Variants in TIAM2 observed in about 807,000 individuals in gnomAD.
The protein encoded by TIAM2 is rho guanine nucleotide exchange factor TIAM2.
Under a neutral mutation model 152.9 loss-of-function variants are expected in TIAM2, and 80 were observed. The observed-to-expected ratio is 0.52, with a 90% CI of 0.44 to 0.63. The LOEUF (loss-of-function observed/expected upper bound fraction) is 0.63. TIAM2 is among the 30% of genes least tolerant of loss of function. TIAM2 has a pLI of 0.00. For missense variants in TIAM2, 1,965 were observed against 2,120.1 expected, an observed-to-expected ratio of 0.93 and a Z score of 1.44; for synonymous variants, 804 against 838.0, an observed-to-expected ratio of 0.96 and a Z score of 0.70.
intron 9 of TIAM2, among the ~76,000 whole-genome samples, chr6:155,175,839 G>T (rs753735006): frequency 6.6e-6 from 1 of 152,186 alleles, no homozygotes; most frequent in Non-Finnish European, 1.5e-5. Flanking sequence ...ACTTTTTTGG[G>T]AAAGGCTTCC....
At chr6:155,146,250 G>A (rs1779815923) in intron 6 of TIAM2, among the ~76,000 whole-genome samples, 1 of 152,100 alleles carries the variant, frequency 6.6e-6, no homozygotes, top group Admixed American at 6.5e-5. Flanking sequence ...GCATGGTGGT[G>A]CGCACCTGTG....
intron 10 of TIAM2, 90 bp downstream of exon 10, chr6:155,177,067 AG>A: frequency 1.5e-6 from 2 of 1,341,222 alleles, no homozygotes; most frequent in East Asian, 2.4e-5. Flanking sequence ...GTGATATTCA[AG>A]GGCCCAGTTT....
At chr6:155,082,147 C>T (rs976391814) in intron 1 of TIAM2, among the ~76,000 whole-genome samples, 3 of 152,090 alleles carry the variant, frequency 2.0e-5, no homozygotes, top group African/African-American at 7.2e-5. Flanking sequence ...AATTCGAGAC[C>T]AGCCTGGGTG....
chr6:155,163,977 T>TTTTTA (rs1780341415), intron 7 of TIAM2, among the ~76,000 whole-genome samples: 6 of 151,386 alleles, frequency 4.0e-5, no homozygotes, highest in African/African-American at 4.9e-5. Flanking sequence ...TTTTTTTTTT[T>TTTTTA]GAGACGGAGT....
chr6:155,237,573 G>T (rs932257137), intron 15 of TIAM2, among the ~76,000 whole-genome samples: 8 of 152,248 alleles, frequency 5.3e-5, no homozygotes, highest in South Asian at 2.1e-4. Context: ...GCAAACTTCT[G>T]CCTGGACATC....
rs1583229044 is a variant in TIAM2, at chr6:155,172,674, A to T, written c.2362-4142A>T. ...TATATATATATATATATATATATAT[A>T]TATATATATATATTTTTTTTTTTTT... On this transcript the variant is annotated intron_variant, in intron 9 of 26. Transcript: ENST00000682666. 2.3e-4 allele frequency among the ~76,000 whole-genome samples: 3 copies of T among 13,264 alleles called. 1 individual carries two copies. The highest frequency in any genetic ancestry group is 2.5e-4 in the Non-Finnish European group (2 of 8,020). The allele number at this position is 13,264 out of a possible 152,430, so 8.7% of individuals were successfully genotyped here. A position where few individuals can be genotyped will look rare whatever the true frequency, so the allele number is the denominator to read the frequency against.
intron 9 of TIAM2, chr6:155,168,972 A>G (rs1780509255): frequency 7.1e-7 from 1 of 1,408,152 alleles, no homozygotes; most frequent in Non-Finnish European, 9.5e-7. Flanking sequence ...CACAAATGCT[A>G]ACTTTTTCTG....
At chr6:155,182,647 T>G (rs779098320) in intron 13 of TIAM2, among the ~76,000 whole-genome samples, 8 of 151,850 alleles carry the variant, frequency 5.3e-5, no homozygotes, top group African/African-American at 1.7e-4. Context: ...TGCCTATATA[T>G]AGAGAGAGCA....
chr6:155,119,984 AC>A (rs1243942590), intron 2 of TIAM2, among the ~76,000 whole-genome samples: 1 of 152,160 alleles, frequency 6.6e-6, no homozygotes, highest in African/African-American at 2.4e-5. Flanking sequence ...GGATTTCATA[AC>A]CCAACAATGG....
chr6:155,140,771 T>G (rs1779681737), intron 5 of TIAM2, among the ~76,000 whole-genome samples: 1 of 151,984 alleles, frequency 6.6e-6, no homozygotes, highest in Non-Finnish European at 1.5e-5. Flanking sequence ...GACATTGAAT[T>G]TATTCTGGGT....
chr6:155,065,945 C>A (rs553924620), intron 1 of TIAM2, among the ~76,000 whole-genome samples: 1 of 152,204 alleles, frequency 6.6e-6, no homozygotes, highest in Non-Finnish European at 1.5e-5. Context: ...GTATGCTGAT[C>A]CAGTATTAGT....
intron 24 of TIAM2, 92 bp from the exon 25 acceptor site, chr6:155,253,881 C>A: frequency 1.1e-6 from 1 of 928,844 alleles, no homozygotes; most frequent in Non-Finnish European, 1.6e-6. Context: ...ATTAGACTTT[C>A]TTAACTGATG....
intron 15 of TIAM2, among the ~76,000 whole-genome samples, chr6:155,223,531 T>TC (rs1216664402): frequency 6.0e-5 from 9 of 150,770 alleles, no homozygotes; most frequent in East Asian, 1.9e-4. Flanking sequence ...TTTTTTCTTT[T>TC]TTTTTTTTTT....
In TIAM2 at chr6:155,186,213, G is replaced by A. The variant is rs1467331505; in HGVS notation, c.3064+2713G>A. Among the ~76,000 whole-genome samples, 1 of 152,186 alleles carries A rather than the reference G, an allele frequency of 6.6e-6. No individual in the cohort carries two copies. The highest frequency in any genetic ancestry group is 2.4e-5 in the African/African-American group (1 of 41,456). On this transcript the variant is annotated intron_variant, in intron 14 of 26. Coordinates refer to ENST00000682666, the MANE Select transcript of TIAM2 (RefSeq NM_012454.4). The surrounding 1 kb of genome is among the most constrained non-coding windows in gnomAD (Gnocchi z 4.5). ...GCATACAGGTTTTGAGTCAGACGTG[G>A]GTTCAGGTCCTGGGCTGCCCTATAC...
chr6:155,135,617 C>T lies in TIAM2; in HGVS notation c.1195-1560C>T, dbSNP rs143535361. ...TTTCTTCAGTGACTAGACTTCTAAT[C>T]CAGATATTAGAGAAATGTCTTTATG... On this transcript the variant is annotated intron_variant, in intron 4 of 26. Transcript: ENST00000682666. Among the ~76,000 whole-genome samples the T allele has an allele frequency of 6.3e-3, 966 of 152,284 alleles. 12 individuals carry two copies. The highest frequency in any genetic ancestry group is 0.022 in the African/African-American group (910 of 41,550).
intron 16 of TIAM2, 31 bp downstream of exon 16, chr6:155,240,740 T>C: frequency 6.3e-7 from 1 of 1,588,110 alleles, no homozygotes. Flanking sequence ...TATGCATTCG[T>C]GCCTCTTTGA....
chr6:155,008,341 T>C (rs1017848399), intron 1 of TIAM2, among the ~76,000 whole-genome samples: 1 of 152,192 alleles, frequency 6.6e-6, no homozygotes, highest in Non-Finnish European at 1.5e-5. Context: ...ATGTATATAT[T>C]ACGCAGAAAG....
intron 1 of TIAM2, among the ~76,000 whole-genome samples, chr6:155,063,943 T>A (rs746284803): frequency 4.6e-5 from 7 of 152,020 alleles, no homozygotes; most frequent in Non-Finnish European, 1.0e-4. Context: ...GCAGAAATTA[T>A]GTAGCATGAA....
chr6:155,211,322 C>G lies in TIAM2; in HGVS notation c.3168+15C>G. 6.2e-7 allele frequency: 1 copy of G among 1,608,306 alleles called. No homozygotes were observed. On this transcript the variant is annotated intron_variant, in intron 15 of 26. Coordinates refer to ENST00000682666, the MANE Select transcript of TIAM2 (RefSeq NM_012454.4). ...AGACATTCAGGGTAAGATACTGGCC[C>G]AAATCGCAAACCAAGAACCAGGCAG... is the stretch of plus-strand genomic sequence containing the variant.
Sources: gnomAD v4.1 joint callset for allele counts (sites outside exome capture counted in the v4.1 genomes callset) on GRCh38, gnomAD v4.1.1 for gene constraint, Gnocchi (gnomAD v3.1) non-coding constraint, MANE v1.5 for transcripts, NCBI Gene and HGNC (gene_info 2026-07-23, HGNC 2026-07-21) for gene names.